FRMD4B: variants seen among roughly 807,000 people sequenced by gnomAD.
The protein encoded by FRMD4B is FERM domain containing 4B.
FRMD4B carries 74 observed loss-of-function variants against 141.5 expected under a neutral mutation model. The observed-to-expected ratio is 0.52, with a 90% CI of 0.43 to 0.63. The LOEUF is 0.63. Among genes scored for constraint, FRMD4B ranks in the 30% least tolerant of loss-of-function variants. The probability of loss-of-function intolerance (pLI) is 0.00; values close to 1 mark genes in which losing one functional copy is unlikely to be tolerated. For missense variants in FRMD4B, 1,366 were observed against 1,253.4 expected (o/e 1.09, Z -1.36); for synonymous variants, 506 against 467.9 (o/e 1.08, Z -1.05).
At chr3:69,235,150 A>T (rs1274695573) in intron 7 of FRMD4B, among the ~76,000 whole-genome samples, 2 of 134,122 alleles carry the variant, frequency 1.5e-5, no homozygotes, top group Non-Finnish European at 3.1e-5. Flanking sequence ...ACCCTGTCTC[A>T]AATAATAATA....
intron 1 of FRMD4B, among the ~76,000 whole-genome samples, chr3:69,360,792 C>T (rs1575763716): frequency 1.3e-5 from 2 of 152,074 alleles, no homozygotes; most frequent in South Asian, 2.1e-4. Context: ...TCTCATAGGT[C>T]GCCACTTGTG....
At chr3:69,353,597 G>T in intron 1 of FRMD4B, 2 of 985,360 alleles carry the variant, frequency 2.0e-6, no homozygotes, top group Non-Finnish European at 2.4e-6. Flanking sequence ...GAGTGCTTAA[G>T]ACAAAAGACA....
chr3:69,256,716 T>C (rs1187865203), intron 5 of FRMD4B, among the ~76,000 whole-genome samples: 1 of 152,160 alleles, frequency 6.6e-6, no homozygotes, highest in African/African-American at 2.4e-5. Flanking sequence ...TCCTAAGCCA[T>C]AGAAACATAT....
intron 2 of FRMD4B, among the ~76,000 whole-genome samples, chr3:69,427,418 A>C (rs1705102056): frequency 6.7e-6 from 1 of 150,294 alleles, no homozygotes; most frequent in South Asian, 2.1e-4. Flanking sequence ...CATTTTCTAA[A>C]TCTGTTTGAA....
At chr3:69,419,165 G>T (rs915417282) in intron 2 of FRMD4B, among the ~76,000 whole-genome samples, 1 of 152,090 alleles carries the variant, frequency 6.6e-6, no homozygotes. Context: ...GTGAAAAGGG[G>T]TGAGTTTTCA....
intron 1 of FRMD4B, among the ~76,000 whole-genome samples, chr3:69,363,380 T>C (rs1703533075): frequency 6.6e-6 from 1 of 150,966 alleles, no homozygotes; most frequent in Non-Finnish European, 1.5e-5. Context: ...CCTCTGCACC[T>C]GGCCTCCATG....
chr3:69,473,785 T>A (rs923757748), intron 1 of FRMD4B, among the ~76,000 whole-genome samples: 1 of 152,168 alleles, frequency 6.6e-6, no homozygotes, highest in Non-Finnish European at 1.5e-5. Flanking sequence ...CAAAGTAGCT[T>A]TGGGCAAGGG....
chr3:69,172,720 C>T (rs960247737), intron 22 of FRMD4B, among the ~76,000 whole-genome samples: 10 of 152,094 alleles, frequency 6.6e-5, no homozygotes, highest in African/African-American at 1.4e-4. Flanking sequence ...AAAAATCATA[C>T]GCATATTTAG....
chr3:69,495,421 G>C (rs907715555), intron 1 of FRMD4B, among the ~76,000 whole-genome samples: 4 of 152,216 alleles, frequency 2.6e-5, no homozygotes, highest in Non-Finnish European at 5.9e-5. Flanking sequence ...AATACACCAT[G>C]GGAAGGCAGG....
At chr3:69,422,955 T>C (rs762001180) in intron 2 of FRMD4B, among the ~76,000 whole-genome samples, 9 of 152,194 alleles carry the variant, frequency 5.9e-5, no homozygotes, top group Non-Finnish European at 8.8e-5. Flanking sequence ...CTCTGACTTA[T>C]ATATATGACT....
chr3:69,176,171 A>G (rs2092643483), intron 22 of FRMD4B, among the ~76,000 whole-genome samples: 1 of 152,036 alleles, frequency 6.6e-6, no homozygotes, highest in Non-Finnish European at 1.5e-5. Flanking sequence ...CAAGAATTCA[A>G]TGTAATACTG....
At chr3:69,481,260 T>C (rs957598681) in intron 1 of FRMD4B, among the ~76,000 whole-genome samples, 1 of 152,282 alleles carries the variant, frequency 6.6e-6, no homozygotes, top group Non-Finnish European at 1.5e-5. Context: ...GAGATGAACC[T>C]GGTACCTCAG....
At chr3:69,313,144 G>C (rs1400699234) in intron 2 of FRMD4B, among the ~76,000 whole-genome samples, 1 of 152,194 alleles carries the variant, frequency 6.6e-6, no homozygotes, top group Admixed American at 6.5e-5. Context: ...AAGAGACTCA[G>C]AGAAGTAAAG....
chr3:69,171,016 T>C lies in FRMD4B; in HGVS notation c.*845A>G, dbSNP rs534631823. The C allele has an allele frequency of 2.6e-5, 4 of 152,210 alleles. No individual in the cohort carries two copies. The highest frequency in any genetic ancestry group is 5.9e-5 in the Non-Finnish European group (4 of 68,044). 9.4% of individuals were successfully genotyped at this position (152,210 alleles called of 1,614,324 possible). The stretch of plus-strand genomic sequence containing the variant: ...TCATAATTATAAAAACTTTCCATAT[T>C]AAGTCTGCCACTTCAAATGACAGCC... On this transcript the variant is annotated 3_prime_UTR_variant, in exon 23 of 23. Coordinates refer to ENST00000398540, the MANE Select transcript of FRMD4B (RefSeq NM_015123.3).
At chr3:69,489,819 G>A (rs1706274016) in intron 1 of FRMD4B, among the ~76,000 whole-genome samples, 1 of 152,306 alleles carries the variant, frequency 6.6e-6, no homozygotes, top group Non-Finnish European at 1.5e-5. Context: ...GCCAAAAAAT[G>A]AGAACAAGCC....
At chr3:69,226,840 G>A (rs923158659) in intron 7 of FRMD4B, among the ~76,000 whole-genome samples, 2 of 152,130 alleles carry the variant, frequency 1.3e-5, no homozygotes, top group Non-Finnish European at 1.5e-5. Flanking sequence ...AATTTTATCT[G>A]TCATTCCATT....
intron 1 of FRMD4B, among the ~76,000 whole-genome samples, chr3:69,516,581 G>A (rs1301581105): frequency 2.6e-5 from 4 of 152,170 alleles, no homozygotes; most frequent in African/African-American, 7.2e-5. Flanking sequence ...ATTTTAGCCC[G>A]GTGAAACCTG....
intron 1 of FRMD4B, among the ~76,000 whole-genome samples, chr3:69,506,678 C>T (rs1006592973): frequency 4.6e-5 from 7 of 151,828 alleles, no homozygotes; most frequent in East Asian, 1.9e-4. Flanking sequence ...GGACTATAGG[C>T]GGGGGCCACC....
intron 11 of FRMD4B, among the ~76,000 whole-genome samples, chr3:69,211,707 AG>A (rs2093081717): frequency 6.6e-6 from 1 of 152,196 alleles, no homozygotes; most frequent in Non-Finnish European, 1.5e-5. Context: ...GAGCACCTTA[AG>A]GCCTCTCATT....
Sources: allele counts gnomAD v4.1 joint callset (sites outside exome capture counted in the v4.1 genomes callset), GRCh38; gene constraint gnomAD v4.1.1; transcripts MANE v1.5; gene names NCBI Gene and HGNC (gene_info 2026-07-23, HGNC 2026-07-21).